Variants in GABRR2 observed in about 807,000 individuals in gnomAD.
GABRR2 encodes gamma-aminobutyric acid receptor subunit rho-2.
A neutral mutation model predicts 47.0 loss-of-function variants in GABRR2; 36 were observed. The ratio of observed to expected loss-of-function variants is 0.77; its 90% confidence interval spans 0.59 to 1.01. The LOEUF is 1.01. Ranked by LOEUF, GABRR2 falls within the 50% of genes least tolerant of loss-of-function variation. The pLI, the probability that GABRR2 is intolerant of heterozygous loss-of-function variation, is 0.00. For synonymous variants in GABRR2, 204 were observed against 227.5 expected (o/e 0.90, Z 0.93); for missense variants, 587 against 594.6 (o/e 0.99, Z 0.13).
In GABRR2 at chr6:89,299,858, A is replaced by G. The variant is rs1380757911; in HGVS notation, c.121T>C (p.Tyr41His). Residue 41 changes from tyrosine to histidine, a missense_variant, in exon 2 of 9, where the codon TAT (tyrosine) becomes CAT (histidine). Tyr to His is a moderately conservative substitution (Grantham distance 83). Coordinates refer to ENST00000402938, the MANE Select transcript of GABRR2 (RefSeq NM_002043.5). ...TTGGTCACATCAAGGTTCTTCTTATATAAGTGACTGTGAAGACAAGCAAGA... is the reference window on the plus strand; with the variant it reads ...TTGGTCACATCAAGGTTCTTCTTATGTAAGTGACTGTGAAGACAAGCAAGA... The part of the protein sequence containing the change: ...QVEMPKPSHL[Y>H]KKNLDVTKIR... The G allele has an allele frequency of 1.2e-5, 19 of 1,607,466 alleles. No individual in the cohort carries two copies. In the East Asian group the frequency reaches 2.5e-4, roughly 21 times the overall value.
chr6:89,298,809 G>T (rs1774598906), intron 2 of GABRR2, among the ~76,000 whole-genome samples: 2 of 152,214 alleles, frequency 1.3e-5, no homozygotes, highest in African/African-American at 4.8e-5. Context: ...GTACTAGGAA[G>T]TGGGCCTTTG....
chr6:89,309,003 G>A (rs964540750), intron 1 of GABRR2, among the ~76,000 whole-genome samples: 2 of 152,128 alleles, frequency 1.3e-5, no homozygotes, highest in Admixed American at 6.5e-5. Context: ...GCTATGGGTT[G>A]GAATAGAGGG....
At chr6:89,309,579 A>T (rs1201605586) in intron 1 of GABRR2, among the ~76,000 whole-genome samples, 1 of 152,190 alleles carries the variant, frequency 6.6e-6, no homozygotes, top group Non-Finnish European at 1.5e-5. Flanking sequence ...TTTTAAAAAA[A>T]TGTTTAAGAC....
rs181423283 is a variant in GABRR2, at chr6:89,291,535, G to A, written c.220+8224C>T. On this transcript the variant is annotated intron_variant, in intron 2 of 8. Coordinates refer to ENST00000402938, the MANE Select transcript of GABRR2 (RefSeq NM_002043.5). ...ACCTGCTCCTGCTCCCTGACACTTCGCTGCTTCCTGCTCCGGGGTATACCC... is the reference window on the plus strand; with the variant it reads ...ACCTGCTCCTGCTCCCTGACACTTCACTGCTTCCTGCTCCGGGGTATACCC... 1.6e-3 allele frequency among the ~76,000 whole-genome samples: 242 copies of A among 150,048 alleles called. 1 individual carries two copies. The highest frequency in any genetic ancestry group is 3.0e-3 in the South Asian group (14 of 4,740).
chr6:89,275,356 C>A (rs181951690), intron 2 of GABRR2, among the ~76,000 whole-genome samples: 1 of 152,250 alleles, frequency 6.6e-6, no homozygotes, highest in South Asian at 2.1e-4. Flanking sequence ...TCACTGCAAC[C>A]TCTACCTCCC....
intron 2 of GABRR2, 126 bp from the exon 3 acceptor site, chr6:89,271,848 A>G (rs1464118707): frequency 1.3e-5 from 9 of 716,842 alleles, no homozygotes; most frequent in Non-Finnish European, 1.9e-5. Context: ...TTAGAATTCT[A>G]TGAGGGTTTC....
chr6:89,296,675 C>T (rs1774559594), intron 2 of GABRR2, among the ~76,000 whole-genome samples: 1 of 152,208 alleles, frequency 6.6e-6, no homozygotes, highest in Non-Finnish European at 1.5e-5. Flanking sequence ...CAGAAGGGCC[C>T]AGCAGATGCA....
At chr6:89,262,691 G>A (rs561053337) in intron 8 of GABRR2, among the ~76,000 whole-genome samples, 5 of 152,076 alleles carry the variant, frequency 3.3e-5, no homozygotes, top group African/African-American at 7.2e-5. Context: ...CCAAAATGTC[G>A]TTACATGGCA....
At position 89,315,246 on chromosome 6, in the gene GABRR2, C is replaced by T; in HGVS notation, c.-81G>A. On this transcript the variant is annotated 5_prime_UTR_variant, in exon 1 of 9. The change abolishes an upstream ATG in the 5' untranslated region. Coordinates refer to ENST00000402938, the MANE Select transcript of GABRR2 (RefSeq NM_002043.5). ...ATCCCCCCTGGCTTGACCATTGATC[C>T]ATCTGCTGCCTCCTGACGGGCTGCT... 1.2e-6 allele frequency: 2 copies of T among 1,603,180 alleles called. No individual in the cohort carries two copies. Among genetic ancestry groups the T allele is most frequent in the Non-Finnish European group, 1.7e-6 (2 of 1,173,624 alleles).
At chr6:89,288,316 G>A (rs745012) in intron 2 of GABRR2, among the ~76,000 whole-genome samples, 23,855 of 151,984 alleles carry the variant, frequency 0.16, 3,042 homozygotes, top group African/African-American at 0.36. Context: ...AGAGAGGGGA[G>A]CCAGAGAGTG....
chr6:89,303,202 T>G (rs1767488706), intron 1 of GABRR2: 2 of 378,194 alleles, frequency 5.3e-6, no homozygotes, highest in Non-Finnish European at 5.3e-6. Context: ...CTGTCGACAC[T>G]GTCCCCAGCT....
At chr6:89,283,733 C>G (rs992303286) in intron 2 of GABRR2, among the ~76,000 whole-genome samples, 4 of 152,130 alleles carry the variant, frequency 2.6e-5, no homozygotes, top group African/African-American at 9.7e-5. Flanking sequence ...CCAAGTACAT[C>G]CAGGAGGGAC....
intron 2 of GABRR2, among the ~76,000 whole-genome samples, chr6:89,279,692 A>AC (rs758484705): frequency 2.6e-4 from 36 of 137,660 alleles, no homozygotes; most frequent in Non-Finnish European, 4.2e-4. Context: ...TAAAAAAAAA[A>AC]AAAACCCCAC....
chr6:89,313,328 A>C lies in GABRR2; in HGVS notation c.113+1725T>G, dbSNP rs554486416. ...TTATCCCTCTCTTCAAGATTCTCAC[A>C]GTGCCTATTTGCATAACAAAGGTTC... On this transcript the variant is annotated intron_variant, in intron 1 of 8. Transcript: ENST00000402938. Among the ~76,000 whole-genome samples, 60 of 152,314 alleles carry C rather than the reference A, an allele frequency of 3.9e-4. 1 individual carries two copies. The highest frequency in any genetic ancestry group is 1.4e-3 in the African/African-American group (59 of 41,574).
chr6:89,302,325 C>A, intron 1 of GABRR2: 1 of 564,474 alleles, frequency 1.8e-6, no homozygotes. Flanking sequence ...AGCCCTACAA[C>A]CCCATGCTGT....
Position 89,264,393 on chromosome 6 carries a change from G to A in GABRR2, c.1086+19C>T, listed in dbSNP as rs1339677094. 1 of 1,608,004 alleles carries A rather than the reference G, an allele frequency of 6.2e-7. No homozygotes were observed. On this transcript the variant is annotated intron_variant, in intron 8 of 8. Coordinates refer to ENST00000402938, the MANE Select transcript of GABRR2 (RefSeq NM_002043.5). ...CCCAGCAGCATGGACTTAGACAAGG[G>A]CCGAAGAAGCCCTCTCACCTTCTCC...
Position 89,267,776 on chromosome 6 carries a change from C to T in GABRR2, c.639G>A (p.Gly213=). 6.2e-7 allele frequency: 1 copy of T among 1,613,772 alleles called. No individual in the cohort carries two copies. The highest frequency in any genetic ancestry group is 8.5e-7 in the Non-Finnish European group (1 of 1,179,802). ...DEDLMLYWKN[G]DESLKTDEKI... ...TCTCATCTGTTTTTAGGGATTCATC[C>T]CCATTCTTCCAGTACAGCATTAGAT... Residue 213 remains glycine (G), a synonymous_variant, in exon 6 of 9, where the codon GGG becomes GGA. Transcript: ENST00000402938.
intron 1 of GABRR2, chr6:89,302,806 A>G: frequency 1.4e-6 from 2 of 1,432,206 alleles, no homozygotes; most frequent in African/African-American, 1.4e-5. Context: ...ATCCCCAACA[A>G]CATGAAGGTG....
At chr6:89,302,834 AC>A (rs1412490092) in intron 1 of GABRR2, 30 of 1,382,108 alleles carry the variant, frequency 2.2e-5, no homozygotes, top group South Asian at 1.6e-4. Context: ...GTGACATCCC[AC>A]CCCCCAGCCT....
Sources: allele counts gnomAD v4.1 joint callset (sites outside exome capture counted in the v4.1 genomes callset), GRCh38; gene constraint gnomAD v4.1.1; transcripts MANE v1.5; gene names NCBI Gene and HGNC (gene_info 2026-07-23, HGNC 2026-07-21).